Variants in GRIP2 observed in about 807,000 individuals in gnomAD.
The protein encoded by GRIP2 is glutamate receptor interacting protein 2.
In GRIP2, 58 loss-of-function variants were observed where a neutral mutation model predicts 108.3. The ratio of observed to expected loss-of-function variants is 0.54; its 90% CI spans 0.43 to 0.67. The LOEUF (loss-of-function observed/expected upper bound fraction) is 0.67. GRIP2 is among the 30% of genes least tolerant of loss of function. The probability of loss-of-function intolerance (pLI) is 0.00; values close to 1 mark genes in which losing one functional copy is unlikely to be tolerated. For missense variants in GRIP2, 1,278 were observed against 1,430.6 expected (o/e 0.89, Z 1.72); for synonymous variants, 586 against 598.2 (o/e 0.98, Z 0.30).
chr3:14,501,241 TG>T (rs1693756665), intron 21 of GRIP2, among the ~76,000 whole-genome samples: 1 of 152,206 alleles, frequency 6.6e-6, no homozygotes, highest in Non-Finnish European at 1.5e-5. Context: ...GTTTTCATTT[TG>T]GGGTGTTAGA....
chr3:14,573,788 C>T, the GRIP2 span: 2 of 1,548,958 alleles, frequency 1.3e-6, no homozygotes, highest in South Asian at 2.2e-5. Context: ...CAGAGCCAAA[C>T]TGTCTCTTGT....
chr3:14,513,897 T>C, intron 12 of GRIP2, 87 bp from the exon 13 acceptor site: 1 of 1,485,172 alleles, frequency 6.7e-7, no homozygotes, highest in Non-Finnish European at 9.1e-7. Flanking sequence ...GGACTGAACC[T>C]GGGTCACACC....
chr3:14,510,177 T>C lies in GRIP2; in HGVS notation c.1934-213A>G, dbSNP rs371021763. On this transcript the variant is annotated intron_variant, in intron 16 of 23. Coordinates refer to ENST00000621039, the MANE Select transcript of GRIP2 (RefSeq NM_001080423.4). Reference sequence around the variant, plus strand: ...AAACATCACACCTCACCCACAATAATGACAACATTGATGACAAGAAACAGT... The same window carrying C: ...AAACATCACACCTCACCCACAATAACGACAACATTGATGACAAGAAACAGT... 1.2e-3 allele frequency among the ~76,000 whole-genome samples: 178 copies of C among 151,338 alleles called. 3 individuals carry two copies. In the Middle Eastern group the frequency reaches 0.021, roughly 18 times the overall value.
At position 14,529,151 on chromosome 3, in the gene GRIP2, C is replaced by T. The variant is rs574871815; in HGVS notation, c.41-3220G>A. Among the ~76,000 whole-genome samples the T allele has an allele frequency of 1.2e-4, 18 of 150,896 alleles. No homozygotes were observed. In the East Asian group the frequency reaches 2.7e-3, roughly 23 times the overall value. On this transcript the variant is annotated intron_variant, in intron 1 of 23. Coordinates refer to ENST00000621039, the MANE Select transcript of GRIP2 (RefSeq NM_001080423.4). ...AAAATTAGCTGGGCGTGGTGGCAGG[C>T]GCCTGTAGTCCCAGCTACCTGGGAG...
chr3:14,541,976 CAA>C, upstream of GRIP2: 1 of 1,351,870 alleles, frequency 7.4e-7, no homozygotes, highest in Non-Finnish European at 9.9e-7. Flanking sequence ...GTCTTAGCTT[CAA>C]CCACGCGGGA....
At chr3:14,587,570 C>T in the GRIP2 span, among the ~76,000 whole-genome samples, 1,756 of 147,890 alleles carry the variant, frequency 0.012, 39 homozygotes, top group African/African-American at 0.034. Context: ...ACCTGGGAGG[C>T]GGAGGTTGCA....
At chr3:14,600,126 C>G in the GRIP2 span, among the ~76,000 whole-genome samples, 2 of 152,168 alleles carry the variant, frequency 1.3e-5, no homozygotes, top group Non-Finnish European at 2.9e-5. Context: ...CCCTCAAACC[C>G]TAGCAGTGGA....
the GRIP2 span, among the ~76,000 whole-genome samples, chr3:14,594,619 A>C: frequency 2.0e-5 from 3 of 152,188 alleles, no homozygotes; most frequent in Non-Finnish European, 4.4e-5. Flanking sequence ...GGACTAGGAC[A>C]ATCACATCCA....
At chr3:14,588,644 G>T in the GRIP2 span, among the ~76,000 whole-genome samples, 5 of 152,158 alleles carry the variant, frequency 3.3e-5, no homozygotes, top group Admixed American at 3.3e-4. Context: ...TATAAATCTT[G>T]AGGCTCAGTT....
At chr3:14,549,066 C>T (rs1321539977) in intron 1 of GRIP2, among the ~76,000 whole-genome samples, 1 of 152,238 alleles carries the variant, frequency 6.6e-6, no homozygotes, top group African/African-American at 2.4e-5. Context: ...AGATCCACAA[C>T]TGTCTTGCTC....
chr3:14,496,790 C>A (rs1425166108), intron 21 of GRIP2, among the ~76,000 whole-genome samples: 1 of 152,202 alleles, frequency 6.6e-6, no homozygotes, highest in Non-Finnish European at 1.5e-5. Context: ...TCGTGCCGAC[C>A]CAGGGCTAAG....
At chr3:14,494,699 G>A in intron 23 of GRIP2, 144 bp downstream of exon 23, 1 of 949,394 alleles carries the variant, frequency 1.1e-6, no homozygotes, top group Non-Finnish European at 1.5e-6. Context: ...TGAGGGTGCT[G>A]GGGCCCGCAA....
intron 1 of GRIP2, among the ~76,000 whole-genome samples, chr3:14,534,590 A>C (rs564730381): frequency 5.3e-5 from 8 of 152,038 alleles, no homozygotes; most frequent in Admixed American, 4.6e-4. Context: ...CCTTCAGTCA[A>C]TCGTCCTGTA....
chr3:14,496,385 C>G (rs769123536), intron 22 of GRIP2, 32 bp downstream of exon 22: 3 of 1,561,866 alleles, frequency 1.9e-6, no homozygotes, highest in Non-Finnish European at 2.6e-6. Context: ...GAACACAGGT[C>G]CAGGTCTCCT....
At chr3:14,539,552 G>A (rs767780564) in intron 1 of GRIP2, among the ~76,000 whole-genome samples, 6 of 152,348 alleles carry the variant, frequency 3.9e-5, no homozygotes, top group South Asian at 2.1e-4. Context: ...TGTCAAGAGC[G>A]TGGGAAGAAA....
the GRIP2 span, among the ~76,000 whole-genome samples, chr3:14,565,426 C>T: frequency 6.6e-6 from 1 of 152,096 alleles, no homozygotes; most frequent in African/African-American, 2.4e-5. Flanking sequence ...GGAGCTGGAC[C>T]CCCACGCTAA....
chr3:14,517,700 G>A (rs56000126), intron 10 of GRIP2, 72 bp downstream of exon 10: 1 of 1,565,612 alleles, frequency 6.4e-7, no homozygotes, highest in Non-Finnish European at 8.7e-7. Flanking sequence ...CCTTCCCTTA[G>A]ACAACAGGCA....
At chr3:14,555,560 G>C (rs905658884) in intron 1 of GRIP2, among the ~76,000 whole-genome samples, 1 of 142,386 alleles carries the variant, frequency 7.0e-6, no homozygotes, top group Non-Finnish European at 1.6e-5. Context: ...CAGCAGGAGA[G>C]ACAGACACAG....
intron 9 of GRIP2, among the ~76,000 whole-genome samples, 187 bp downstream of exon 9, chr3:14,519,923 G>A (rs1454000366): frequency 1.3e-5 from 2 of 152,196 alleles, no homozygotes; most frequent in African/African-American, 4.8e-5. Context: ...CCCTCAAGTT[G>A]TTTCTCTGCC....
Sources: gnomAD v4.1 joint callset for allele counts (sites outside exome capture counted in the v4.1 genomes callset) on GRCh38, gnomAD v4.1.1 for gene constraint, MANE v1.5 for transcripts, NCBI Gene and HGNC (gene_info 2026-07-23, HGNC 2026-07-21) for gene names.